The following LTN1 variants were observed in gnomAD, a reference collection of about 807,000 sequenced individuals.
LTN1 encodes E3 ubiquitin-protein ligase listerin.
Under a neutral mutation model 201.2 loss-of-function variants are expected in LTN1, and 88 were observed. The ratio of observed to expected loss-of-function variants is 0.44; its 90% CI spans 0.37 to 0.52. The LOEUF is 0.52. LTN1 is among the 20% of genes least tolerant of loss of function. The pLI, the probability that LTN1 is intolerant of heterozygous loss-of-function variation, is 0.00. For missense variants in LTN1, 1,752 were observed against 2,038.7 expected (o/e 0.86, Z 2.71); for synonymous variants, 645 against 713.5 (o/e 0.90, Z 1.53).
Position 28,969,528 on chromosome 21 carries a change from G to T in LTN1, c.1249C>A (p.Arg417Ser). The change falls in exon 9 of 30, where the codon CGT becomes AGT. Residue 417 changes from arginine to serine, a missense_variant. Transcript: ENST00000361371. ...CCTAAGTTTTGCTGCATTATAAAAC[G>T]TAAGCATTCAAAAAAAGCAGATATT... The part of the protein sequence containing the change: ...AVISAFFECL[R>S]FIMQQNLGEE... The T allele has an allele frequency of 1.2e-6, 2 of 1,611,920 alleles. No individual in the cohort carries two copies. Among genetic ancestry groups the T allele is most frequent in the Non-Finnish European group, 1.7e-6 (2 of 1,178,574 alleles).
Position 28,986,526 on chromosome 21 carries a change from T to C in LTN1, c.246+205A>G. The C allele has an allele frequency of 1.5e-6, 1 of 652,492 alleles. No homozygotes were observed. The highest frequency in any genetic ancestry group is 2.8e-5 in the East Asian group (1 of 36,018). 40.4% of individuals were successfully genotyped at this position (652,492 alleles called of 1,614,324 possible). On this transcript the variant is annotated intron_variant, in intron 2 of 29. Coordinates refer to ENST00000361371, the MANE Select transcript of LTN1 (RefSeq NM_015565.3). This position sits in a 1 kb window ranked among gnomAD's most constrained non-coding sequence, Gnocchi z 4.1. ...CTATACAGCCAAAATTCCAAAGCAC[T>C]TTAAAAAAGTTCACTGTAACAAACT...
At chr21:28,938,821 A>C (rs1291364048) in intron 25 of LTN1, among the ~76,000 whole-genome samples, 1 of 152,230 alleles carries the variant, frequency 6.6e-6, no homozygotes, top group Non-Finnish European at 1.5e-5. Flanking sequence ...AAAGCCAGAC[A>C]CAAAAGACCA....
intron 21 of LTN1, among the ~76,000 whole-genome samples, chr21:28,945,083 A>G (rs2084326868): frequency 6.6e-6 from 1 of 152,144 alleles, no homozygotes; most frequent in African/African-American, 2.4e-5. Flanking sequence ...TTAGTCGTGC[A>G]TGCTGGTGGG....
chr21:28,981,073 G>T (rs1224030885), intron 6 of LTN1, 46 bp downstream of exon 6: 1 of 1,166,440 alleles, frequency 8.6e-7, no homozygotes, highest in East Asian at 2.6e-5. Context: ...AGAAGATGGG[G>T]GTAAGGAATC....
chr21:28,966,314 G>T, intron 10 of LTN1, 56 bp downstream of exon 10: 2 of 1,368,028 alleles, frequency 1.5e-6, no homozygotes, highest in Non-Finnish European at 1.0e-6. Flanking sequence ...CAATAAGCAG[G>T]CTCATTCTAC....
chr21:28,947,473 T>A lies in LTN1; in HGVS notation c.3478A>T (p.Ser1160Cys). ...LLGWTKKDLC[S>C]TNGGFGHLAI... ...TTATCAAGCAACTAACCATTAGTGC[T>A]GCAAAGATCTTTCTTAGTCCAGCCC... Residue 1160 changes from serine (S) to cysteine (C), a missense_variant, in exon 19 of 30, where the codon AGC (serine) becomes TGC (cysteine). Ser to Cys is a moderately radical substitution (Grantham distance 112). Transcript: ENST00000361371. 2.0e-6 allele frequency: 3 copies of A among 1,526,114 alleles called. No homozygotes were observed. The highest frequency in any genetic ancestry group is 2.6e-6 in the Non-Finnish European group (3 of 1,143,226). 94.5% of individuals were successfully genotyped at this position (1,526,114 alleles called of 1,614,324 possible).
In LTN1 at chr21:28,967,050, G is replaced by A. The variant is rs1175356287; in HGVS notation, c.1441C>T (p.His481Tyr). The A allele has an allele frequency of 2.5e-6, 4 of 1,614,100 alleles. No homozygotes were observed. Among genetic ancestry groups the A allele is most frequent in the Non-Finnish European group, 3.4e-6 (4 of 1,180,008 alleles). The change falls in exon 10 of 30, where the codon CAC becomes TAC. Residue 481 changes from histidine to tyrosine, a missense_variant. His to Tyr is a moderately conservative substitution (Grantham distance 83, BLOSUM62 2). Coordinates refer to ENST00000361371, the MANE Select transcript of LTN1 (RefSeq NM_015565.3). ...TGTATCAGTACGTTCTCCAAGTTGT[G>A]AGCTGTTTTTTCATCTTTTTCCGTG... ...ADTEKDEKTA[H>Y]NLENVLIHFW... is the part of the protein sequence containing the mutation.
intron 8 of LTN1, among the ~76,000 whole-genome samples, chr21:28,969,880 T>C (rs1397838708): frequency 2.0e-5 from 3 of 152,156 alleles, no homozygotes; most frequent in South Asian, 2.1e-4. Context: ...AATAGGGTCT[T>C]ACTATCTTGA....
At chr21:28,964,469 TTA>T in intron 11 of LTN1, 1 of 1,008,558 alleles carries the variant, frequency 9.9e-7, no homozygotes, top group Non-Finnish European at 1.4e-6. Flanking sequence ...AGATATAATG[TTA>T]TTGCACACTT....
chr21:28,948,191 C>CAA (rs531979859), intron 18 of LTN1, among the ~76,000 whole-genome samples: 4 of 73,116 alleles, frequency 5.5e-5, no homozygotes, highest in East Asian at 3.6e-4. Flanking sequence ...AACTCTGTTT[C>CAA]AAAAAAAAAA....
Position 28,947,288 on chromosome 21 carries a change from T to C in LTN1, c.3487+176A>G, listed in dbSNP as rs115101835. On this transcript the variant is annotated intron_variant, in intron 19 of 29. Transcript: ENST00000361371. Reference sequence around the variant, plus strand: ...GTAAGTCTTCCCTTAAGGCCCAGCATTTTTGTACTGTAAAATGGTAACAGC... The same window carrying C: ...GTAAGTCTTCCCTTAAGGCCCAGCACTTTTGTACTGTAAAATGGTAACAGC... 7.1e-3 allele frequency among the ~76,000 whole-genome samples: 1,083 copies of C among 152,290 alleles called. 8 individuals are homozygous for C. Among genetic ancestry groups the C allele is most frequent in the African/African-American group, 0.024 (1,017 of 41,554 alleles).
chr21:28,942,586 G>A (rs2084305639), intron 24 of LTN1, among the ~76,000 whole-genome samples: 1 of 152,064 alleles, frequency 6.6e-6, no homozygotes, highest in Non-Finnish European at 1.5e-5. Context: ...TACATTAAGT[G>A]GTAACTACTC....
At chr21:28,987,975 C>G (rs1031699637) in intron 1 of LTN1, among the ~76,000 whole-genome samples, 1 of 151,948 alleles carries the variant, frequency 6.6e-6, no homozygotes, top group African/African-American at 2.4e-5. Context: ...AACCCCATCT[C>G]TACCAAAGAT....
intron 14 of LTN1, 124 bp from the exon 15 acceptor site, chr21:28,957,600 GGTAA>G: frequency 3.6e-6 from 2 of 551,686 alleles, no homozygotes; most frequent in South Asian, 1.4e-4. Context: ...AATAAAAAGA[GGTAA>G]GTGACATTCC....
At chr21:28,959,800 T>C in intron 12 of LTN1, 103 bp from the exon 13 acceptor site, 1 of 1,035,408 alleles carries the variant, frequency 9.7e-7, no homozygotes, top group Non-Finnish European at 1.4e-6. Flanking sequence ...TCCTGGATTT[T>C]AAAATGTATT....
chr21:28,982,145 A>AG (rs2084663703), intron 5 of LTN1, among the ~76,000 whole-genome samples, 171 bp downstream of exon 5: 1 of 152,114 alleles, frequency 6.6e-6, no homozygotes, highest in Non-Finnish European at 1.5e-5. Context: ...TGAACCCAGA[A>AG]GCTGGAGGTT....
intron 6 of LTN1, among the ~76,000 whole-genome samples, chr21:28,980,664 G>A (rs186976379): frequency 5.5e-4 from 83 of 151,684 alleles, no homozygotes; most frequent in Admixed American, 9.2e-4. Context: ...TGCATTTCCC[G>A]TAAGGGCAAT....
rs772780350 is a variant in LTN1, at chr21:28,971,394, T to C, written c.861A>G (p.Pro287=). The change falls in exon 7 of 30, where the codon CCA becomes CCG. Residue 287 remains proline (P), a synonymous_variant. Coordinates refer to ENST00000361371, the MANE Select transcript of LTN1 (RefSeq NM_015565.3). ...TGGATGCTTCCTCTTTCATCAACTG[T>C]GGAATGCGCTGGCACAATGCAGAGA... ...ELVSALCQRI[P]QLMKEEASKV... 4.6e-5 allele frequency: 74 copies of C among 1,613,988 alleles called. No individual in the cohort carries two copies. In the South Asian group the frequency reaches 7.7e-4, roughly 17 times the overall value.
intron 6 of LTN1, among the ~76,000 whole-genome samples, chr21:28,979,093 T>C (rs944391835): frequency 3.3e-5 from 5 of 152,242 alleles, no homozygotes; most frequent in African/African-American, 1.2e-4. Flanking sequence ...GGTTATGTAG[T>C]AGCAGCTGAA....
Sources: gnomAD v4.1 joint callset for allele counts (sites outside exome capture counted in the v4.1 genomes callset) on GRCh38, gnomAD v4.1.1 for gene constraint, Gnocchi (gnomAD v3.1) non-coding constraint, MANE v1.5 for transcripts, NCBI Gene and HGNC (gene_info 2026-07-23, HGNC 2026-07-21) for gene names.